The following SOHLH2 variants were observed in gnomAD, a reference collection of about 807,000 sequenced individuals.
The protein encoded by SOHLH2 is spermatogenesis- and oogenesis-specific basic helix-loop-helix-containing protein 2.
Under a neutral mutation model 50.4 loss-of-function variants are expected in SOHLH2, and 22 were observed. The ratio of observed to expected loss-of-function variants is 0.44; its 90% CI spans 0.31 to 0.62. SOHLH2 has a LOEUF of 0.62. Among genes scored for constraint, SOHLH2 ranks in the 20% least tolerant of loss-of-function variants. The pLI is 0.08. For missense variants in SOHLH2, 412 were observed against 504.4 expected, an observed-to-expected ratio of 0.82 and a Z score of 1.76; for synonymous variants, 185 against 187.3, an observed-to-expected ratio of 0.99 and a Z score of 0.10.
At chr13:36,192,764 C>T (rs959390965) in intron 4 of SOHLH2, among the ~76,000 whole-genome samples, 1 of 152,084 alleles carries the variant, frequency 6.6e-6, no homozygotes, top group Non-Finnish European at 1.5e-5. Context: ...CACGTCACAT[C>T]GTTACCTTTT....
intron 2 of SOHLH2, 94 bp from the exon 3 acceptor site, chr13:36,193,961 A>AT: frequency 1.8e-6 from 2 of 1,126,268 alleles, no homozygotes; most frequent in South Asian, 3.7e-5. Context: ...AACTACAGTG[A>AT]TTTTCTTCAT....
chr13:36,177,694 T>A (rs1295983234), intron 6 of SOHLH2, among the ~76,000 whole-genome samples: 1 of 152,148 alleles, frequency 6.6e-6, no homozygotes, highest in Non-Finnish European at 1.5e-5. Flanking sequence ...CTGTGTCTTT[T>A]GGGCACTTGT....
intron 6 of SOHLH2, among the ~76,000 whole-genome samples, chr13:36,189,540 T>C (rs1887516744): frequency 6.6e-6 from 1 of 152,172 alleles, no homozygotes; most frequent in Non-Finnish European, 1.5e-5. Flanking sequence ...TGTGGAAAGC[T>C]CAATTTAGCT....
chr13:36,192,599 C>T (rs959443096), intron 4 of SOHLH2, among the ~76,000 whole-genome samples: 1 of 152,050 alleles, frequency 6.6e-6, no homozygotes, highest in South Asian at 2.1e-4. Context: ...GTCTTTCAGG[C>T]CCATTTTAAG....
intron 6 of SOHLH2, chr13:36,182,536 C>T (rs1887285773): frequency 6.5e-6 from 1 of 153,284 alleles, no homozygotes; most frequent in Admixed American, 6.5e-5. Flanking sequence ...CTGGAGATAC[C>T]ATGTGGAGAA....
intron 2 of SOHLH2, among the ~76,000 whole-genome samples, chr13:36,199,499 G>A (rs929928195): frequency 3.9e-5 from 6 of 152,228 alleles, no homozygotes; most frequent in African/African-American, 1.4e-4. Flanking sequence ...TGGGAATAGT[G>A]CAACAGGAGA....
intron 6 of SOHLH2, 57 bp from the exon 7 acceptor site, chr13:36,174,926 C>T (rs530762122): frequency 5.3e-6 from 8 of 1,518,408 alleles, no homozygotes; most frequent in African/African-American, 4.2e-5. Flanking sequence ...TTCATTGTAC[C>T]CAAAGACAAA....
chr13:36,177,033 T>C (rs1758975246), intron 6 of SOHLH2, among the ~76,000 whole-genome samples: 1 of 152,030 alleles, frequency 6.6e-6, no homozygotes, highest in Non-Finnish European at 1.5e-5. Flanking sequence ...AAATCCATTA[T>C]CACAAACCCA....
rs200148651 is a variant in SOHLH2, at chr13:36,173,738, C to T, written c.954G>A (p.Gly318=). ...LQFLTNTCWN[G]CSTPDAESSL... is the part of the protein sequence containing the mutation. The stretch of plus-strand genomic sequence containing the variant: ...AGCTCTCTGCATCAGGAGTGGAGCA[C>T]CCATTCCAGCACGTATTAGTCAGGA... Residue 318 remains glycine, a synonymous_variant, in exon 9 of 11, where the codon GGG becomes GGA. Coordinates refer to ENST00000379881, the MANE Select transcript of SOHLH2 (RefSeq NM_017826.3). The T allele has an allele frequency of 3.1e-6, 5 of 1,613,814 alleles. No homozygotes were observed. The highest frequency in any genetic ancestry group is 1.3e-5 in the African/African-American group (1 of 75,030).
At position 36,201,964 on chromosome 13, in the gene SOHLH2, A is replaced by G; in HGVS notation, c.178T>C (p.Leu60=). 6.2e-7 allele frequency: 1 copy of G among 1,614,220 alleles called. No homozygotes were observed. The highest frequency in any genetic ancestry group is 1.1e-5 in the South Asian group (1 of 91,086). ...ISDTKEAAAL[L]DDCIFNMVLL... The stretch of plus-strand genomic sequence containing the variant: ...ACCATGTTGAATATGCAATCATCCA[A>G]AAGCGCTGCTGCCTCCTTCGTGTCA... Residue 60 remains leucine, a synonymous_variant, in exon 2 of 11, where the codon TTG becomes CTG. Coordinates refer to ENST00000379881, the MANE Select transcript of SOHLH2 (RefSeq NM_017826.3).
Position 36,202,035 on chromosome 13 carries a change from A to G in SOHLH2, c.107T>C (p.Val36Ala), listed in dbSNP as rs1313867239. 2 of 1,614,116 alleles carry G rather than the reference A, an allele frequency of 1.2e-6. No homozygotes were observed. Among genetic ancestry groups the G allele is most frequent in the Non-Finnish European group, 1.7e-6 (2 of 1,180,054 alleles). ...TGCTATGTTTGCAAATAGTTTCTGT[A>G]CAGTATCAGCCAGGTAGCCCACAGT... ...DVTVGYLADT[V>A]QKLFANIAEV... Residue 36 changes from valine (V) to alanine (A), a missense_variant, in exon 2 of 11, where the codon GTA becomes GCA. Physicochemically the swap from Val to Ala is moderately conservative, Grantham distance 64. Transcript: ENST00000379881.
chr13:36,209,525 T>C (rs1868983345), intron 1 of SOHLH2, among the ~76,000 whole-genome samples: 1 of 152,194 alleles, frequency 6.6e-6, no homozygotes, highest in African/African-American at 2.4e-5. Context: ...ATTTGTGTTC[T>C]CACATGGTGG....
rs778649507 is a variant in SOHLH2 at position 36,193,579 on chromosome 13, T to C, written c.430+42A>G. The C allele has an allele frequency of 6.4e-6, 10 of 1,564,692 alleles. No homozygotes were observed. In the East Asian group the frequency reaches 9.1e-5, roughly 14 times the overall value. On this transcript the variant is annotated intron_variant, in intron 4 of 10. Transcript: ENST00000379881. ...AATATATGAGCAGAGTTTTCAAAGA[T>C]TTTAATTCAAATTTTGAAACCTTTG...
chr13:36,191,239 G>C (rs566209907), intron 5 of SOHLH2, among the ~76,000 whole-genome samples: 7 of 152,248 alleles, frequency 4.6e-5, no homozygotes, highest in African/African-American at 1.4e-4. Flanking sequence ...AACACAAGGA[G>C]ACACAGAGAC....
At chr13:36,173,531 A>T (rs185541547) in intron 9 of SOHLH2, among the ~76,000 whole-genome samples, 161 bp downstream of exon 9, 1 of 152,348 alleles carries the variant, frequency 6.6e-6, no homozygotes, top group Admixed American at 6.5e-5. Flanking sequence ...ACACTATTTA[A>T]ACAACTGTAG....
intron 6 of SOHLH2, chr13:36,183,265 AG>A (rs1887309973): frequency 4.0e-6 from 1 of 251,032 alleles, no homozygotes; most frequent in South Asian, 4.6e-5. Flanking sequence ...ATTTCTTTAT[AG>A]CAACACAAGA....
chr13:36,198,100 G>A (rs1453274826), intron 2 of SOHLH2, among the ~76,000 whole-genome samples: 1 of 152,122 alleles, frequency 6.6e-6, no homozygotes, highest in Non-Finnish European at 1.5e-5. Context: ...TCAGTTAGCT[G>A]GTCAGACAAT....
chr13:36,177,944 A>T (rs1887137252), intron 6 of SOHLH2, among the ~76,000 whole-genome samples: 1 of 151,656 alleles, frequency 6.6e-6, no homozygotes, highest in Non-Finnish European at 1.5e-5. Flanking sequence ...TCTCTCTCTC[A>T]TGGTTATTGC....
chr13:36,200,181 T>G (rs909766939), intron 2 of SOHLH2, among the ~76,000 whole-genome samples: 6 of 152,144 alleles, frequency 3.9e-5, no homozygotes, highest in African/African-American at 1.4e-4. Flanking sequence ...CTGTAAAAAA[T>G]TTTAAAATAT....
Sources: allele counts gnomAD v4.1 joint callset (sites outside exome capture counted in the v4.1 genomes callset), GRCh38; gene constraint gnomAD v4.1.1; transcripts MANE v1.5; gene names NCBI Gene and HGNC (gene_info 2026-07-23, HGNC 2026-07-21).